KHDRBS2: variants seen among roughly 807,000 people sequenced by gnomAD.
KHDRBS2 encodes the protein KH domain-containing, RNA-binding, signal transduction-associated protein 2.
KHDRBS2 carries 26 observed loss-of-function variants against 44.3 expected under a neutral mutation model. The observed-to-expected ratio is 0.59, with a 90% CI of 0.43 to 0.81. The LOEUF (loss-of-function observed/expected upper bound fraction) is 0.81, where lower values mean the gene tolerates loss of function less well. Ranked by LOEUF, KHDRBS2 falls within the 40% of genes least tolerant of loss-of-function variation. The probability of loss-of-function intolerance (pLI) is 0.00; values close to 1 mark genes in which losing one functional copy is unlikely to be tolerated. For missense variants in KHDRBS2, 476 were observed against 433.1 expected, an observed-to-expected ratio of 1.10 and a Z score of -0.88; for synonymous variants, 194 against 151.1, an observed-to-expected ratio of 1.28 and a Z score of -2.08.
chr6:61,586,076 CTTTG>C, the KHDRBS2 span, among the ~76,000 whole-genome samples: 1 of 152,172 alleles, frequency 6.6e-6, no homozygotes, highest in African/African-American at 2.4e-5. Flanking sequence ...GTCACAGTCA[CTTTG>C]TTTGAACTTC....
At chr6:62,073,885 AAAG>A (rs1289855322) in intron 2 of KHDRBS2, among the ~76,000 whole-genome samples, 17 of 151,750 alleles carry the variant, frequency 1.1e-4, no homozygotes, top group African/African-American at 4.1e-4. Flanking sequence ...TCTATCCTCA[AAAG>A]AAGAACGGCA....
intron 6 of KHDRBS2, among the ~76,000 whole-genome samples, chr6:61,799,058 G>T (rs1365551887): frequency 6.6e-6 from 1 of 152,062 alleles, no homozygotes; most frequent in East Asian, 1.9e-4. Flanking sequence ...CTTCCATAAG[G>T]CTTGCTATTC....
chr6:61,801,414 G>A (rs1258575906), intron 6 of KHDRBS2, among the ~76,000 whole-genome samples: 2 of 152,112 alleles, frequency 1.3e-5, no homozygotes, highest in Non-Finnish European at 2.9e-5. Context: ...GAAGGTGCTT[G>A]CACTTAAGCT....
intron 3 of KHDRBS2, among the ~76,000 whole-genome samples, chr6:62,003,014 T>G (rs1406060182): frequency 6.6e-6 from 1 of 152,166 alleles, no homozygotes; most frequent in Admixed American, 6.6e-5. Context: ...TTAAACCTAA[T>G]GTATATAAAA....
chr6:61,796,233 C>G (rs1428467550), intron 6 of KHDRBS2, among the ~76,000 whole-genome samples: 4 of 151,846 alleles, frequency 2.6e-5, no homozygotes, highest in Non-Finnish European at 5.9e-5. Context: ...AATAAATAAG[C>G]TTGAAACATG....
At chr6:61,563,511 T>C in the KHDRBS2 span, among the ~76,000 whole-genome samples, 1 of 152,114 alleles carries the variant, frequency 6.6e-6, no homozygotes, top group Admixed American at 6.6e-5. Context: ...TTTTAACTGA[T>C]TGCTGACCTT....
intron 6 of KHDRBS2, among the ~76,000 whole-genome samples, chr6:61,827,003 A>G (rs1790984089): frequency 6.6e-6 from 1 of 152,222 alleles, no homozygotes. Flanking sequence ...AATTGAGACT[A>G]TATAAAATTA....
chr6:61,887,461 TAA>T (rs955996046), intron 6 of KHDRBS2, among the ~76,000 whole-genome samples: 1 of 152,192 alleles, frequency 6.6e-6, no homozygotes, highest in African/African-American at 2.4e-5. Context: ...TTAAAATATT[TAA>T]AGTCTGGGTT....
chr6:61,587,366 T>TCTCC, the KHDRBS2 span, among the ~76,000 whole-genome samples: 1 of 150,086 alleles, frequency 6.7e-6, no homozygotes, highest in Non-Finnish European at 1.5e-5. Context: ...TTTTTTTATC[T>TCTCC]CTCTCTCTCT....
At chr6:61,973,056 C>T (rs1413849401) in intron 4 of KHDRBS2, among the ~76,000 whole-genome samples, 1 of 152,086 alleles carries the variant, frequency 6.6e-6, no homozygotes, top group Non-Finnish European at 1.5e-5. Flanking sequence ...ATCACTTGAA[C>T]CTGGGAGGAG....
Position 62,238,687 on chromosome 6 carries a change from T to TATAC in KHDRBS2, c.91+47170_91+47171insGTAT, listed in dbSNP as rs1480937481. On this transcript the variant is annotated intron_variant, in intron 1 of 8. Transcript: ENST00000281156. ...GGATGAAAGGCTTTTAAGTTTTATA[T>TATAC]ACACACACACACACACACACACACA... Among the ~76,000 whole-genome samples the TATAC allele has an allele frequency of 2.5e-3, 349 of 142,008 alleles. 1 individual carries two copies. The highest frequency in any genetic ancestry group is 8.0e-3 in the African/African-American group (295 of 37,066). The allele number at this position is 142,008 out of a possible 152,430, so 93.2% of individuals were successfully genotyped here.
At chr6:61,837,737 C>A (rs890866266) in intron 6 of KHDRBS2, among the ~76,000 whole-genome samples, 2 of 151,952 alleles carry the variant, frequency 1.3e-5, no homozygotes, top group Non-Finnish European at 2.9e-5. Context: ...GCCTTATGTA[C>A]AGCAATATTC....
At chr6:62,137,978 C>G (rs1811931155) in intron 2 of KHDRBS2, among the ~76,000 whole-genome samples, 1 of 152,136 alleles carries the variant, frequency 6.6e-6, no homozygotes, top group Non-Finnish European at 1.5e-5. Flanking sequence ...GTTTACTGTT[C>G]TGCGTGGTTG....
chr6:62,212,106 G>A (rs1829155849), intron 1 of KHDRBS2, among the ~76,000 whole-genome samples: 1 of 152,096 alleles, frequency 6.6e-6, no homozygotes, highest in Non-Finnish European at 1.5e-5. Context: ...TAAATGGTGA[G>A]AACAAATAAC....
chr6:61,777,143 TG>T (rs1782186658), intron 6 of KHDRBS2, among the ~76,000 whole-genome samples: 1 of 128,160 alleles, frequency 7.8e-6, no homozygotes, highest in East Asian at 2.3e-4. Flanking sequence ...TGTTGGGGGG[TG>T]GGGGAAGGGG....
chr6:62,027,552 C>G (rs1042604900), intron 3 of KHDRBS2, among the ~76,000 whole-genome samples: 11 of 152,076 alleles, frequency 7.2e-5, no homozygotes, highest in Non-Finnish European at 1.5e-4. Context: ...GGATGAGGGG[C>G]TGATTGCCAG....
intron 4 of KHDRBS2, among the ~76,000 whole-genome samples, chr6:61,956,943 T>A (rs1385460240): frequency 1.2e-5 from 1 of 85,886 alleles, no homozygotes; most frequent in Non-Finnish European, 2.3e-5. Context: ...CATCATCATC[T>A]GTTGTGGGAA....
At chr6:62,092,125 T>G (rs1360399860) in intron 2 of KHDRBS2, among the ~76,000 whole-genome samples, 3 of 152,082 alleles carry the variant, frequency 2.0e-5, no homozygotes, top group African/African-American at 7.2e-5. Context: ...CCAGTTTTTT[T>G]TTTTAATCTT....
chr6:62,217,602 G>A (rs1379250014), intron 1 of KHDRBS2, among the ~76,000 whole-genome samples: 1 of 151,704 alleles, frequency 6.6e-6, no homozygotes, highest in Non-Finnish European at 1.5e-5. Flanking sequence ...CTTGGAGATA[G>A]GCTTACAAAA....
Sources: gnomAD v4.1 joint callset for allele counts (sites outside exome capture counted in the v4.1 genomes callset) on GRCh38, gnomAD v4.1.1 for gene constraint, MANE v1.5 for transcripts, NCBI Gene and HGNC (gene_info 2026-07-23, HGNC 2026-07-21) for gene names.